SPAG16: variants seen among roughly 807,000 people sequenced by gnomAD.
The protein encoded by SPAG16 is sperm-associated antigen 16 protein.
A neutral mutation model predicts 80.4 loss-of-function variants in SPAG16; 86 were observed. That is an observed-to-expected ratio of 1.07 (90% CI 0.90 to 1.28). The LOEUF is 1.28. SPAG16 is among the 50% of genes most tolerant of loss of function. The pLI, the probability that SPAG16 is intolerant of heterozygous loss-of-function variation, is 0.00. For missense variants in SPAG16, 870 were observed against 765.3 expected (o/e 1.14, Z -1.61); for synonymous variants, 294 against 265.9 (o/e 1.11, Z -1.03).
intron 15 of SPAG16, among the ~76,000 whole-genome samples, chr2:214,260,737 G>C (rs1691081588): frequency 6.6e-6 from 1 of 152,048 alleles, no homozygotes; most frequent in South Asian, 2.1e-4. Context: ...CATAGTGCCT[G>C]GGTATCTATC....
At chr2:213,632,272 A>G (rs1213652315) in intron 10 of SPAG16, among the ~76,000 whole-genome samples, 2 of 151,836 alleles carry the variant, frequency 1.3e-5, no homozygotes, top group African/African-American at 2.4e-5. Context: ...TTTTTTTCAC[A>G]TTCTTCACTG....
At chr2:213,614,678 T>A (rs2061539045) in intron 10 of SPAG16, among the ~76,000 whole-genome samples, 1 of 152,246 alleles carries the variant, frequency 6.6e-6, no homozygotes, top group Admixed American at 6.5e-5. Flanking sequence ...AATATTTGTA[T>A]CTTAAGTGTG....
rs1575378884 is a variant in SPAG16 at position 213,859,218 on chromosome 2, T to TAAA, written c.1071-3267_1071-3266insAAA. The stretch of plus-strand genomic sequence containing the variant: ...AAAAAAAAAAAAAAAAAAAAAAAAC[T>TAAA]CAATGTCCTCTGACAACTTGATGTA... On this transcript the variant is annotated intron_variant, in intron 10 of 15. Coordinates refer to ENST00000331683, the MANE Select transcript of SPAG16 (RefSeq NM_024532.5). Among the ~76,000 whole-genome samples, 21 of 16,930 alleles carry TAAA rather than the reference T, an allele frequency of 1.2e-3. 6 individuals carry two copies. The highest frequency in any genetic ancestry group is 2.4e-3 in the Admixed American group (3 of 1,226). 11.1% of individuals were successfully genotyped at this position (16,930 alleles called of 152,430 possible). A position where few individuals can be genotyped will look rare whatever the true frequency, so the allele number is the denominator to read the frequency against.
intron 9 of SPAG16, among the ~76,000 whole-genome samples, chr2:213,407,596 G>GGAGAGAGAGAGA (rs66674310): frequency 4.9e-5 from 5 of 102,016 alleles, no homozygotes; most frequent in African/African-American, 1.7e-4. Flanking sequence ...GAGAGAGACA[G>GGAGAGAGAGAGA]GAGAGAGAGA....
At chr2:213,327,786 C>T (rs1575211411) in intron 5 of SPAG16, among the ~76,000 whole-genome samples, 1 of 152,022 alleles carries the variant, frequency 6.6e-6, no homozygotes, top group South Asian at 2.1e-4. Context: ...TACTGGCACA[C>T]TCCTTATTGT....
chr2:214,262,315 T>G (rs1436630286), intron 15 of SPAG16, among the ~76,000 whole-genome samples: 1 of 152,248 alleles, frequency 6.6e-6, no homozygotes, highest in African/African-American at 2.4e-5. Context: ...GTTTTTATGT[T>G]TAAAAATGTG....
chr2:213,960,443 T>G (rs2044355111), intron 12 of SPAG16, among the ~76,000 whole-genome samples: 1 of 152,166 alleles, frequency 6.6e-6, no homozygotes, highest in South Asian at 2.1e-4. Flanking sequence ...TTTCTAGGCT[T>G]TGTGATTTTT....
chr2:213,674,483 A>C (rs533443619), intron 10 of SPAG16, among the ~76,000 whole-genome samples: 1 of 151,100 alleles, frequency 6.6e-6, no homozygotes, highest in Non-Finnish European at 1.5e-5. Flanking sequence ...CGCTGCACCC[A>C]CTAACTCGTC....
intron 15 of SPAG16, among the ~76,000 whole-genome samples, chr2:214,329,944 T>G (rs1912185): frequency 0.88 from 133,494 of 152,064 alleles, 58,631 homozygotes; most frequent in Middle Eastern, 0.91. Context: ...GAAGACAGAT[T>G]AAAGAGGCCA....
At chr2:214,159,118 G>A (rs1319671439) in intron 15 of SPAG16, among the ~76,000 whole-genome samples, 5 of 151,910 alleles carry the variant, frequency 3.3e-5, no homozygotes, top group Admixed American at 1.3e-4. Context: ...TATGTTTGCA[G>A]ATATAATAAA....
chr2:213,793,241 A>G (rs910945243), intron 10 of SPAG16, among the ~76,000 whole-genome samples: 2 of 151,770 alleles, frequency 1.3e-5, no homozygotes, highest in Non-Finnish European at 2.9e-5. Flanking sequence ...TAGTATTTTC[A>G]TTGAGTTTTT....
chr2:213,826,026 T>G (rs2073275559), intron 10 of SPAG16, among the ~76,000 whole-genome samples: 1 of 151,914 alleles, frequency 6.6e-6, no homozygotes, highest in East Asian at 1.9e-4. Flanking sequence ...CTTCTAAGTT[T>G]TTGAATGTAT....
intron 10 of SPAG16, among the ~76,000 whole-genome samples, chr2:213,699,036 T>G (rs1336385496): frequency 6.6e-6 from 1 of 152,220 alleles, no homozygotes; most frequent in Non-Finnish European, 1.5e-5. Context: ...CTGCTGGTAA[T>G]TCTACCATGG....
rs2059542378 is a variant in SPAG16 at position 213,559,715 on chromosome 2, C to T, written c.1070+69625C>T. ...CTGTTTTTCCCTAAAGATATAATTT[C>T]CCAGTGGGGTAATAGTTTAAGGTTT... is the stretch of plus-strand genomic sequence containing the variant. On this transcript the variant is annotated intron_variant, in intron 10 of 15. Coordinates refer to ENST00000331683, the MANE Select transcript of SPAG16 (RefSeq NM_024532.5). 1.3e-5 allele frequency among the ~76,000 whole-genome samples: 2 copies of T among 151,980 alleles called. 1 individual carries two copies. Among genetic ancestry groups the T allele is most frequent in the Non-Finnish European group, 2.9e-5 (2 of 67,966 alleles).
At chr2:214,378,643 C>T (rs1314556549) in intron 15 of SPAG16, among the ~76,000 whole-genome samples, 2 of 152,166 alleles carry the variant, frequency 1.3e-5, no homozygotes, top group East Asian at 3.9e-4. Flanking sequence ...CTAAGGGCTA[C>T]CTGTCACAGG....
intron 12 of SPAG16, among the ~76,000 whole-genome samples, chr2:213,969,128 A>G (rs2044877623): frequency 6.6e-6 from 1 of 152,222 alleles, no homozygotes; most frequent in Non-Finnish European, 1.5e-5. Context: ...AACTTTGGCT[A>G]AAGTAGATAA....
At chr2:213,347,226 G>A (rs1050662923) in intron 6 of SPAG16, among the ~76,000 whole-genome samples, 3 of 152,076 alleles carry the variant, frequency 2.0e-5, no homozygotes, top group African/African-American at 4.8e-5. Flanking sequence ...GGGATCGGTG[G>A]TGATATCCCC....
rs76172988 is a variant in SPAG16 at position 213,907,088 on chromosome 2, A to G, written c.1215-22872A>G. Among the ~76,000 whole-genome samples the G allele has an allele frequency of 3.4e-3, 512 of 152,326 alleles. 2 individuals are homozygous for G. Among genetic ancestry groups the G allele is most frequent in the Admixed American group, 7.4e-3 (113 of 15,300 alleles). ...ATGAAGAGATAACCTGTTGAATGGA[A>G]GAAAATATTTTCAAACTATTCATTC... is the stretch of plus-strand genomic sequence containing the variant. On this transcript the variant is annotated intron_variant, in intron 11 of 15. Transcript: ENST00000331683.
chr2:213,917,357 C>T (rs1419592397), intron 11 of SPAG16, among the ~76,000 whole-genome samples: 6 of 152,142 alleles, frequency 3.9e-5, no homozygotes. Flanking sequence ...CTATAAACTG[C>T]TTTGGGCAGT....
Sources: allele counts gnomAD v4.1 joint callset (sites outside exome capture counted in the v4.1 genomes callset), GRCh38; gene constraint gnomAD v4.1.1; transcripts MANE v1.5; gene names NCBI Gene and HGNC (gene_info 2026-07-23, HGNC 2026-07-21).